CNTN4: variants seen among roughly 807,000 people sequenced by gnomAD.
CNTN4 encodes the protein contactin 4, also known as contactin-4.
Under a neutral mutation model 122.5 loss-of-function variants are expected in CNTN4, and 77 were observed. The observed-to-expected ratio is 0.63, with a 90% CI of 0.52 to 0.76. CNTN4 has a LOEUF of 0.76. Ranked by LOEUF, CNTN4 falls within the 30% of genes least tolerant of loss-of-function variation. The pLI is 0.00. For missense variants in CNTN4, 1,256 were observed against 1,259.1 expected (o/e 1.00, Z 0.04); for synonymous variants, 512 against 447.0 (o/e 1.15, Z -1.83).
intron 2 of CNTN4, among the ~76,000 whole-genome samples, chr3:2,297,951 C>T (rs530214826): frequency 4.6e-5 from 7 of 152,186 alleles, no homozygotes; most frequent in East Asian, 1.9e-4. Flanking sequence ...AGGCTAGTGT[C>T]GAACTCCTGA....
intron 2 of CNTN4, among the ~76,000 whole-genome samples, chr3:2,182,687 A>G (rs1450145719): frequency 6.6e-6 from 1 of 152,186 alleles, no homozygotes; most frequent in East Asian, 1.9e-4. Flanking sequence ...TAACATTAAT[A>G]AAGTAAAATA....
chr3:2,417,552 A>T (rs2047460183), intron 3 of CNTN4, among the ~76,000 whole-genome samples: 1 of 152,180 alleles, frequency 6.6e-6, no homozygotes, highest in African/African-American at 2.4e-5. Context: ...GATTGTAATA[A>T]ACTAGCTAAT....
chr3:2,796,604 T>A (rs1235468551), intron 6 of CNTN4, among the ~76,000 whole-genome samples: 2 of 152,206 alleles, frequency 1.3e-5, no homozygotes, highest in Non-Finnish European at 2.9e-5. Context: ...GAAATCTAAT[T>A]TAGGCTAGTA....
At chr3:2,919,353 G>GAA (rs200119254) in intron 12 of CNTN4, among the ~76,000 whole-genome samples, 27 of 108,448 alleles carry the variant, frequency 2.5e-4, no homozygotes, top group East Asian at 7.5e-4. Context: ...CTCTGTCTCA[G>GAA]AAAAAAAAAA....
intron 10 of CNTN4, among the ~76,000 whole-genome samples, chr3:2,896,343 C>A (rs766749564): frequency 1.3e-5 from 2 of 152,060 alleles, no homozygotes; most frequent in Non-Finnish European, 2.9e-5. Flanking sequence ...GAAGGGAGTG[C>A]CTTCCAAGAA....
rs2041229423 is a variant in CNTN4, at chr3:2,270,159, C to T, written c.-144-69019C>T. ...AGAGACGGGGTTTCACCTTGTTAGC[C>T]AGGATGGTCTCGATCTCCTGACCTC... On this transcript the variant is annotated intron_variant, in intron 2 of 24. Coordinates refer to ENST00000418658, the MANE Select transcript of CNTN4 (RefSeq NM_175607.3). 4.3e-5 allele frequency among the ~76,000 whole-genome samples: 2 copies of T among 46,380 alleles called. 1 individual carries two copies. 30.4% of individuals were successfully genotyped at this position (46,380 alleles called of 152,430 possible). A position where few individuals can be genotyped will look rare whatever the true frequency, so the allele number is the denominator to read the frequency against.
chr3:2,368,934 TG>T (rs1439933533), intron 3 of CNTN4, among the ~76,000 whole-genome samples: 1 of 152,132 alleles, frequency 6.6e-6, no homozygotes, highest in African/African-American at 2.4e-5. Flanking sequence ...AAATTGTGAT[TG>T]TTTTTTTGAG....
rs187052486 is a variant in CNTN4, at chr3:3,026,032, C to G, written c.1487-70C>G. Reference sequence around the variant, plus strand: ...TAGTATTTCATCCTGCTCTTGGAGTCTACATTGTATTTCCACACAAGCTCA... The same window carrying G: ...TAGTATTTCATCCTGCTCTTGGAGTGTACATTGTATTTCCACACAAGCTCA... On this transcript the variant is annotated intron_variant, in intron 14 of 24. Coordinates refer to ENST00000418658, the MANE Select transcript of CNTN4 (RefSeq NM_175607.3). The G allele has an allele frequency of 4.2e-6, 6 of 1,424,590 alleles. No homozygotes were observed. The Admixed American group carries it at 6.9e-5, about 16-fold the overall frequency. The allele number at this position is 1,424,590 out of a possible 1,614,324, so 88.2% of individuals were successfully genotyped here. A position where few individuals can be genotyped will look rare whatever the true frequency, so the allele number is the denominator to read the frequency against.
chr3:2,323,990 T>G (rs1408533960), intron 2 of CNTN4, among the ~76,000 whole-genome samples: 1 of 152,214 alleles, frequency 6.6e-6, no homozygotes, highest in African/African-American at 2.4e-5. Context: ...TTCAACACTG[T>G]TCACATTTTG....
intron 6 of CNTN4, among the ~76,000 whole-genome samples, chr3:2,801,859 A>G (rs1472647992): frequency 6.6e-6 from 1 of 152,116 alleles, no homozygotes; most frequent in Non-Finnish European, 1.5e-5. Flanking sequence ...AGTTTCAAAT[A>G]TTTTCTACAA....
intron 3 of CNTN4, among the ~76,000 whole-genome samples, chr3:2,452,012 CCATT>C (rs2151371000): frequency 6.6e-6 from 1 of 152,238 alleles, no homozygotes; most frequent in Admixed American, 6.5e-5. Context: ...TGAGTTTTCA[CCATT>C]CAAACTCTTA....
rs777815703 is a variant in CNTN4, at chr3:3,053,900, A to G, written c.2905A>G (p.Ile969Val). The G allele has an allele frequency of 5.7e-5, 92 of 1,614,176 alleles. No homozygotes were observed. Among genetic ancestry groups the G allele is most frequent in the Non-Finnish European group, 7.1e-5 (84 of 1,179,998 alleles). ...TTCTTTGCCTTTCGATGAAGATTAT[A>G]TAATAGAAATTAAGCCATTCAGCGA... is the stretch of plus-strand genomic sequence containing the variant. ...ELSLPFDEDY[I>V]IEIKPFSDGG... Residue 969 changes from isoleucine (I) to valine (V), a missense_variant, in exon 24 of 25, where the codon ATA (isoleucine) becomes GTA (valine). Physicochemically the swap from Ile to Val is conservative, Grantham distance 29. Transcript: ENST00000418658.
At chr3:2,534,903 C>A (rs1325291456) in intron 3 of CNTN4, among the ~76,000 whole-genome samples, 1 of 147,068 alleles carries the variant, frequency 6.8e-6, no homozygotes, top group African/African-American at 2.5e-5. Flanking sequence ...AAACGTCTTT[C>A]AAGATTTAGC....
intron 7 of CNTN4, among the ~76,000 whole-genome samples, chr3:2,843,266 A>G (rs79158786): frequency 0.11 from 16,998 of 152,060 alleles, 995 homozygotes; most frequent in African/African-American, 0.13. Flanking sequence ...ATTTATTTCC[A>G]TGCCACCATT....
At chr3:2,994,613 A>ATATATATATATGTG (rs370506181) in intron 14 of CNTN4, among the ~76,000 whole-genome samples, 18 of 142,156 alleles carry the variant, frequency 1.3e-4, no homozygotes, top group Non-Finnish European at 1.7e-4. Context: ...ATATATATAT[A>ATATATATATATGTG]TGTGTGTATA....
intron 3 of CNTN4, among the ~76,000 whole-genome samples, chr3:2,404,648 T>C (rs1181339829): frequency 1.3e-5 from 2 of 152,164 alleles, no homozygotes; most frequent in African/African-American, 4.8e-5. Context: ...AATCTCCCTG[T>C]TGTAAAGTCA....
chr3:2,685,577 A>C (rs1161529642), intron 4 of CNTN4, among the ~76,000 whole-genome samples: 1 of 152,196 alleles, frequency 6.6e-6, no homozygotes, highest in African/African-American at 2.4e-5. Context: ...AATAGTGTGA[A>C]GATTAAAAAC....
chr3:2,882,443 A>T (rs546859673), intron 8 of CNTN4, among the ~76,000 whole-genome samples: 7 of 152,270 alleles, frequency 4.6e-5, no homozygotes, highest in Non-Finnish European at 1.0e-4. Flanking sequence ...AGTTTGTTAG[A>T]CTGTGTTACC....
At chr3:2,271,057 G>A (rs1301757633) in intron 2 of CNTN4, among the ~76,000 whole-genome samples, 1 of 152,118 alleles carries the variant, frequency 6.6e-6, no homozygotes, top group Non-Finnish European at 1.5e-5. Context: ...ACAGTAGCAG[G>A]CAGAATATAG....
Sources: allele counts gnomAD v4.1 joint callset (sites outside exome capture counted in the v4.1 genomes callset), GRCh38; gene constraint gnomAD v4.1.1; transcripts MANE v1.5; gene names NCBI Gene and HGNC (gene_info 2026-07-23, HGNC 2026-07-21).